Variants in CCN6 observed in about 807,000 individuals in gnomAD.
CCN6 encodes cellular communication network factor 6, also known as CCN family member 6.
A neutral mutation model predicts 37.4 loss-of-function variants in CCN6; 31 were observed. The observed-to-expected ratio is 0.83, with a 90% confidence interval of 0.62 to 1.12. CCN6 has a LOEUF of 1.12. Ranked by LOEUF, CCN6 falls within the 50% of genes most tolerant of loss-of-function variation. CCN6 has a pLI of 0.00. For missense variants in CCN6, 369 were observed against 413.8 expected, an observed-to-expected ratio of 0.89 and a Z score of 0.94; for synonymous variants, 137 against 142.1, an observed-to-expected ratio of 0.96 and a Z score of 0.26.
In CCN6 at chr6:112,064,936, G is replaced by A; in HGVS notation, c.528G>A (p.Gln176=). Residue 176 remains glutamine (Q), a synonymous_variant, in exon 3 of 5, where the codon CAG becomes CAA. Transcript: ENST00000368666. ...CTAAAGGTGGAAAGAAGTCTGATCAGTCAAACTGTAGCCTGGAACCATTAC... is the reference window on the plus strand; with the variant it reads ...CTAAAGGTGGAAAGAAGTCTGATCAATCAAACTGTAGCCTGGAACCATTAC... The part of the protein sequence containing the change: ...SGAKGGKKSD[Q]SNCSLEPLLQ... 6.2e-7 allele frequency: 1 copy of A among 1,614,072 alleles called. No homozygotes were observed. The highest frequency in any genetic ancestry group is 8.5e-7 in the Non-Finnish European group (1 of 1,179,938).
intron 2 of CCN6, among the ~76,000 whole-genome samples, chr6:112,063,397 A>G (rs1161052679): frequency 6.6e-6 from 1 of 152,248 alleles, no homozygotes; most frequent in African/African-American, 2.4e-5. Flanking sequence ...TGGTCTATCC[A>G]AGACCCATTT....
At chr6:112,058,254 C>T (rs1776407127) in intron 1 of CCN6, among the ~76,000 whole-genome samples, 1 of 152,146 alleles carries the variant, frequency 6.6e-6, no homozygotes, top group African/African-American at 2.4e-5. Context: ...TTACTCTTTA[C>T]TGAGGCATAT....
At chr6:112,060,061 G>T (rs375942571) in intron 1 of CCN6, 1 of 1,365,594 alleles carries the variant, frequency 7.3e-7, no homozygotes, top group Non-Finnish European at 9.8e-7. Context: ...GAACAAGGAC[G>T]CTGGTGTGGC....
intron 1 of CCN6, among the ~76,000 whole-genome samples, chr6:112,056,742 C>G (rs1335008630): frequency 6.6e-6 from 1 of 152,300 alleles, no homozygotes; most frequent in East Asian, 1.9e-4. Context: ...GTCTTGAACT[C>G]CCCGCCTCAA....
chr6:112,069,321 T>C lies in CCN6; in HGVS notation c.784-18T>C. The C allele has an allele frequency of 6.2e-7, 1 of 1,610,916 alleles. No individual in the cohort carries two copies. Among genetic ancestry groups the C allele is most frequent in the Non-Finnish European group, 8.5e-7 (1 of 1,179,050 alleles). ...TAATAAAATTTAAAGAATGACTTCA[T>C]TTTATCTATCTTTTCAGATTCCCAA... On this transcript the variant is annotated intron_variant, in intron 4 of 4. Transcript: ENST00000368666.
At chr6:112,066,402 T>C (rs1303813823) in intron 3 of CCN6, among the ~76,000 whole-genome samples, 4 of 152,170 alleles carry the variant, frequency 2.6e-5, no homozygotes. Context: ...AGTGAAGCCC[T>C]TTGGATCAAG....
In CCN6 at chr6:112,061,138, A is replaced by G; in HGVS notation, c.196A>G (p.Ser66Gly). 3 of 1,614,150 alleles carry G rather than the reference A, an allele frequency of 1.9e-6. No homozygotes were observed. Among genetic ancestry groups the G allele is most frequent in the Non-Finnish European group, 2.5e-6 (3 of 1,180,020 alleles). The change falls in exon 2 of 5, where the codon AGC becomes GGC. Residue 66 changes from serine (S) to glycine (G), a missense_variant. Coordinates refer to ENST00000368666, the MANE Select transcript of CCN6 (RefSeq NM_198239.2). ...GAAGCCCCGTTGCCCTCCTGGAGTG[A>G]GCCTGGTGAGAGATGGCTGTGGATG... ...QQKPRCPPGV[S>G]LVRDGCGCCK...
chr6:112,056,306 G>A (rs956411750), intron 1 of CCN6, among the ~76,000 whole-genome samples: 3 of 151,968 alleles, frequency 2.0e-5, no homozygotes, highest in East Asian at 1.9e-4. Flanking sequence ...ACCCAGAAAC[G>A]GTTTTTATTT....
chr6:112,057,152 C>A (rs1776371185), intron 1 of CCN6, among the ~76,000 whole-genome samples: 1 of 152,126 alleles, frequency 6.6e-6, no homozygotes, highest in Non-Finnish European at 1.5e-5. Context: ...GAGGAGAAAA[C>A]CAACCCAGGG....
intron 1 of CCN6, among the ~76,000 whole-genome samples, chr6:112,055,575 G>A (rs1349764286): frequency 6.8e-6 from 1 of 146,868 alleles, no homozygotes; most frequent in African/African-American, 2.7e-5. Context: ...TACTGTGCTG[G>A]GTGCTTTATT....
chr6:112,054,610 T>G, intron 1 of CCN6: 1 of 592,668 alleles, frequency 1.7e-6, no homozygotes, highest in Non-Finnish European at 3.0e-6. Flanking sequence ...TGTAAAACAT[T>G]TCTCCCTTTC....
At chr6:112,056,123 G>A (rs1776341680) in intron 1 of CCN6, among the ~76,000 whole-genome samples, 1 of 152,082 alleles carries the variant, frequency 6.6e-6, no homozygotes, top group Non-Finnish European at 1.5e-5. Flanking sequence ...GAGGAAAAGT[G>A]AAAAATATAA....
chr6:112,065,622 G>GTGCGCACACA (rs1562597724), intron 3 of CCN6, among the ~76,000 whole-genome samples: 288 of 137,332 alleles, frequency 2.1e-3, no homozygotes, highest in African/African-American at 7.5e-3. Flanking sequence ...ACACACACAC[G>GTGCGCACACA]CACGCACACA....
intron 2 of CCN6, 39 bp from the exon 3 acceptor site, chr6:112,064,716 C>A: frequency 1.2e-6 from 2 of 1,613,586 alleles, no homozygotes; most frequent in South Asian, 2.2e-5. Context: ...TATCACAGAT[C>A]ATGGCTTCTT....
chr6:112,068,914 T>C (rs1371917463), intron 4 of CCN6, among the ~76,000 whole-genome samples: 1 of 152,152 alleles, frequency 6.6e-6, no homozygotes, highest in African/African-American at 2.4e-5. Flanking sequence ...CCCAAAGTTA[T>C]TCTCTATCAT....
At chr6:112,067,114 TCACAG>T in intron 3 of CCN6, 10 of 1,098,070 alleles carry the variant, frequency 9.1e-6, no homozygotes, top group Non-Finnish European at 1.3e-5. Context: ...GAAAGCAGTG[TCACAG>T]TATCAATTAA....
Position 112,064,745 on chromosome 6 carries a change from C to A in CCN6, c.347-10C>A. 6.2e-7 allele frequency: 1 copy of A among 1,613,928 alleles called. No individual in the cohort carries two copies. The highest frequency in any genetic ancestry group is 8.5e-7 in the Non-Finnish European group (1 of 1,179,876). ...GCTTCTTTGGCAATTTTGCTCTTTTCTCTTTTCAGACCTTGTAGCTGTTGG... is the reference window on the plus strand; with the variant it reads ...GCTTCTTTGGCAATTTTGCTCTTTTATCTTTTCAGACCTTGTAGCTGTTGG... On this transcript the variant is annotated splice_polypyrimidine_tract_variant and intron_variant, in intron 2 of 4. Transcript: ENST00000368666.
chr6:112,066,549 CT>C (rs1276328564), intron 3 of CCN6, among the ~76,000 whole-genome samples: 1 of 152,078 alleles, frequency 6.6e-6, no homozygotes, highest in African/African-American at 2.4e-5. Context: ...GAAGTGTTCT[CT>C]GGTATTTATG....
At chr6:112,067,086 C>CAGT in intron 3 of CCN6, 1 of 1,287,650 alleles carries the variant, frequency 7.8e-7, no homozygotes, top group Non-Finnish European at 1.1e-6. Context: ...TTGCAAGAGA[C>CAGT]TCTACTGTCA....
Sources: gnomAD v4.1 joint callset for allele counts (sites outside exome capture counted in the v4.1 genomes callset) on GRCh38, gnomAD v4.1.1 for gene constraint, MANE v1.5 for transcripts, NCBI Gene and HGNC (gene_info 2026-07-23, HGNC 2026-07-21) for gene names.